The following FREM1 variants were observed in gnomAD, a reference collection of about 807,000 sequenced individuals.
The protein encoded by FREM1 is FRAS1 related extracellular matrix 1, also known as FRAS1-related extracellular matrix protein 1.
In FREM1, 220 loss-of-function variants were observed where a neutral mutation model predicts 210.1. The observed-to-expected ratio is 1.05, with a 90% CI of 0.94 to 1.17. The LOEUF (loss-of-function observed/expected upper bound fraction) is 1.17. Ranked by LOEUF, FREM1 falls within the 50% of genes most tolerant of loss-of-function variation. The pLI, the probability that FREM1 is intolerant of heterozygous loss-of-function variation, is 0.00. For synonymous variants in FREM1, 1,189 were observed against 980.2 expected (o/e 1.21, Z -3.98); for missense variants, 3,454 against 2,675.5 (o/e 1.29, Z -6.42).
intron 1 of FREM1, among the ~76,000 whole-genome samples, chr9:14,909,607 A>C (rs1273080249): frequency 1.3e-5 from 2 of 152,248 alleles, no homozygotes; most frequent in Admixed American, 1.3e-4. Context: ...TTCTAATTTC[A>C]GAGGAAACAA....
chr9:14,843,495 ATAGGTAGGTAGG>A (rs55735118), intron 8 of FREM1, among the ~76,000 whole-genome samples: 1 of 150,782 alleles, frequency 6.6e-6, no homozygotes, highest in Non-Finnish European at 1.5e-5. Flanking sequence ...TCATAGATAG[ATAGGTAGGTAGG>A]TAGGTAGGTA....
chr9:14,853,813 T>G (rs150642887), intron 5 of FREM1, among the ~76,000 whole-genome samples: 3 of 152,290 alleles, frequency 2.0e-5, no homozygotes, highest in African/African-American at 7.2e-5. Context: ...GGAAGAAGTA[T>G]TATTTGAAGA....
At chr9:14,817,548 A>AG (rs1820526407) in intron 14 of FREM1, among the ~76,000 whole-genome samples, 1 of 152,198 alleles carries the variant, frequency 6.6e-6, no homozygotes, top group Non-Finnish European at 1.5e-5. Context: ...CATACTCTCC[A>AG]GCCCATTGCA....
chr9:14,797,395 G>T, intron 21 of FREM1, 103 bp downstream of exon 21: 1 of 905,182 alleles, frequency 1.1e-6, no homozygotes, highest in Non-Finnish European at 1.6e-6. Context: ...AGGAGCTAGC[G>T]AAGACTTGCT....
At chr9:14,762,376 C>A (rs1187975234) in intron 27 of FREM1, among the ~76,000 whole-genome samples, 1 of 152,206 alleles carries the variant, frequency 6.6e-6, no homozygotes, top group Non-Finnish European at 1.5e-5. Flanking sequence ...CTAACCATGA[C>A]AAGTAAAAAT....
intron 24 of FREM1, among the ~76,000 whole-genome samples, chr9:14,780,605 A>G (rs1416967177): frequency 1.3e-5 from 2 of 152,128 alleles, no homozygotes; most frequent in African/African-American, 4.8e-5. Flanking sequence ...ACAATGCAGG[A>G]GAAATTTATG....
Position 14,801,769 on chromosome 9 carries a change from G to C in FREM1, c.3577C>G (p.His1193Asp). Residue 1193 changes from histidine to aspartate, a missense_variant, in exon 20 of 37, where the codon CAT becomes GAT. His to Asp is a moderately conservative substitution (Grantham distance 81). Transcript: ENST00000380880. The stretch of plus-strand genomic sequence containing the variant: ...AACCCCCTATCGATGAGGAGGCCAT[G>C]GCGTGGCTTTTGAGTGATGCTGAAC... Reference protein sequence around the residue: ...LLFSITQKPRHGLLIDRGFSK... With the variant: ...LLFSITQKPRDGLLIDRGFSK... 1 of 1,613,976 alleles carries C rather than the reference G, an allele frequency of 6.2e-7. No homozygotes were observed. The highest frequency in any genetic ancestry group is 8.5e-7 in the Non-Finnish European group (1 of 1,179,854).
rs547657805 is a variant in FREM1 at position 14,856,862 on chromosome 9, G to T, written c.828+691C>A. Reference sequence around the variant, plus strand: ...AAAAAAAAAAAAAAAAAAAATCTCAGCTGTTTCAGCAGGTGCAGTTTCCCC... The same window carrying T: ...AAAAAAAAAAAAAAAAAAAATCTCATCTGTTTCAGCAGGTGCAGTTTCCCC... On this transcript the variant is annotated intron_variant, in intron 5 of 36. Coordinates refer to ENST00000380880, the MANE Select transcript of FREM1 (RefSeq NM_001379081.2). Among the ~76,000 whole-genome samples the T allele has an allele frequency of 3.8e-4, 57 of 150,742 alleles. No individual in the cohort carries two copies. The East Asian group carries it at 0.011, about 29-fold the overall frequency.
At position 14,757,372 on chromosome 9, in the gene FREM1, T is replaced by G. The variant is rs1275095081; in HGVS notation, c.5335-926A>C. Among the ~76,000 whole-genome samples, 4 of 152,214 alleles carry G rather than the reference T, an allele frequency of 2.6e-5. No homozygotes were observed. In the East Asian group the frequency reaches 7.7e-4, roughly 29 times the overall value. ...GAGTTCAAGACCAACCTGGCCAACA[T>G]GGTGAAACCCCGTCTCTACCAAAAA... On this transcript the variant is annotated intron_variant, in intron 28 of 36. Transcript: ENST00000380880.
chr9:14,835,333 G>A (rs1824353821), intron 10 of FREM1, among the ~76,000 whole-genome samples: 1 of 152,192 alleles, frequency 6.6e-6, no homozygotes, highest in Non-Finnish European at 1.5e-5. Context: ...GAGACTATCT[G>A]TAAGTACTCT....
In FREM1 at chr9:14,868,889, C is replaced by A; in HGVS notation, c.89G>T (p.Arg30Leu). The A allele has an allele frequency of 6.2e-7, 1 of 1,606,976 alleles. No individual in the cohort carries two copies. Among genetic ancestry groups the A allele is most frequent in the Non-Finnish European group, 8.5e-7 (1 of 1,176,788 alleles). Residue 30 changes from arginine (R) to leucine (L), a missense_variant, in exon 2 of 37, where the codon CGC (arginine) becomes CTC (leucine). Arg to Leu is a moderately radical substitution (Grantham distance 102, BLOSUM62 -2). Coordinates refer to ENST00000380880, the MANE Select transcript of FREM1 (RefSeq NM_001379081.2). ...WASPTFISIN[R>L]GVRVMKGHSA... is the part of the protein sequence containing the mutation. ...GTGGCCCTTCATCACCCTCACCCCG[C>A]GGTTGATGCTGATGAAGGTGGGGCT...
chr9:14,832,973 C>T (rs549409950), intron 10 of FREM1, among the ~76,000 whole-genome samples: 1 of 152,162 alleles, frequency 6.6e-6, no homozygotes, highest in African/African-American at 2.4e-5. Context: ...CCCAGCAGAA[C>T]GGTCAGTAAC....
intron 1 of FREM1, among the ~76,000 whole-genome samples, chr9:14,871,707 T>G (rs1199863929): frequency 6.6e-6 from 1 of 152,142 alleles, no homozygotes; most frequent in African/African-American, 2.4e-5. Flanking sequence ...GCTTTTGGTG[T>G]TTTAGACATG....
intron 27 of FREM1, 133 bp downstream of exon 27, chr9:14,769,591 T>C: frequency 1.1e-6 from 1 of 939,292 alleles, no homozygotes; most frequent in Non-Finnish European, 1.6e-6. Context: ...CAAAATAAAT[T>C]CCATGAGCTT....
At chr9:14,829,432 G>C (rs866157448) in intron 10 of FREM1, among the ~76,000 whole-genome samples, 7 of 152,164 alleles carry the variant, frequency 4.6e-5, no homozygotes, top group Middle Eastern at 3.4e-3. Flanking sequence ...AACTGAATGT[G>C]TCTTCCAACA....
At chr9:14,823,883 A>T in intron 12 of FREM1, 142 bp downstream of exon 12, 1 of 470,988 alleles carries the variant, frequency 2.1e-6, no homozygotes, top group Non-Finnish European at 3.8e-6. Flanking sequence ...CACTTAATGG[A>T]AACATACAAG....
rs1054866388 is a variant in FREM1, at chr9:14,816,775, C to T, written c.2640+3G>A. On this transcript the variant is annotated splice_donor_region_variant and intron_variant, in intron 15 of 36. Transcript: ENST00000380880. ...TAACCCAGGGAAGAAACTTTCTACC[C>T]ACCTCAACATGTAGTACAAATTCTG... is the stretch of plus-strand genomic sequence containing the variant. 7.2e-6 allele frequency: 10 copies of T among 1,383,014 alleles called. No homozygotes were observed. The highest frequency in any genetic ancestry group is 9.6e-6 in the Non-Finnish European group (10 of 1,039,634). 85.7% of individuals were successfully genotyped at this position (1,383,014 alleles called of 1,614,324 possible).
chr9:14,807,218 G>C (rs910650138), intron 17 of FREM1, among the ~76,000 whole-genome samples: 1 of 152,168 alleles, frequency 6.6e-6, no homozygotes, highest in Non-Finnish European at 1.5e-5. Context: ...CTGTTTTAAT[G>C]TTAAGCCACT....
At chr9:14,803,111 TC>T in intron 19 of FREM1, among the ~76,000 whole-genome samples, 1 of 130,636 alleles carries the variant, frequency 7.7e-6, no homozygotes, top group African/African-American at 2.8e-5. Flanking sequence ...TTTCCCTCCC[TC>T]CCTCCCTCTT....
Sources: allele counts gnomAD v4.1 joint callset (sites outside exome capture counted in the v4.1 genomes callset), GRCh38; gene constraint gnomAD v4.1.1; transcripts MANE v1.5; gene names NCBI Gene and HGNC (gene_info 2026-07-23, HGNC 2026-07-21).